The following ABCA13 variants were observed in gnomAD, a reference collection of about 807,000 sequenced individuals.
The protein encoded by ABCA13 is ATP binding cassette subfamily A member 13.
In ABCA13, 476 loss-of-function variants were observed where a neutral mutation model predicts 478.7. The ratio of observed to expected loss-of-function variants is 0.99; its 90% CI spans 0.92 to 1.07. The LOEUF (loss-of-function observed/expected upper bound fraction) is 1.07, where lower values mean the gene tolerates loss of function less well. Ranked by LOEUF, ABCA13 falls within the 50% of genes least tolerant of loss-of-function variation. The probability of loss-of-function intolerance (pLI) is 0.00; values close to 1 mark genes in which losing one functional copy is unlikely to be tolerated. For synonymous variants in ABCA13, 2,252 were observed against 2,158.9 expected (o/e 1.04, Z -1.20); for missense variants, 6,060 against 5,910.6 (o/e 1.03, Z -0.83).
rs1792475786 is a variant in ABCA13 at position 48,615,441 on chromosome 7, A to G, written c.14837+64A>G. ...GAAATCAATAGCATGATGCAGGGTT[A>G]TGACTGGAGATGCTTTAGAGGCAAG... On this transcript the variant is annotated intron_variant, in intron 59 of 61. Transcript: ENST00000435803. 4.3e-6 allele frequency: 6 copies of G among 1,411,358 alleles called. No homozygotes were observed. In the South Asian group the frequency reaches 6.3e-5, roughly 15 times the overall value. 87.4% of individuals were successfully genotyped at this position (1,411,358 alleles called of 1,614,324 possible).
intron 59 of ABCA13, among the ~76,000 whole-genome samples, chr7:48,624,417 T>C (rs1330152287): frequency 1.3e-5 from 2 of 152,070 alleles, no homozygotes; most frequent in Non-Finnish European, 2.9e-5. Flanking sequence ...AAAACACTCC[T>C]GTCATGGAAA....
intron 4 of ABCA13, among the ~76,000 whole-genome samples, 191 bp from the exon 5 acceptor site, chr7:48,221,090 G>A (rs1001579600): frequency 3.3e-5 from 5 of 151,984 alleles, no homozygotes; most frequent in Non-Finnish European, 7.4e-5. Context: ...ACTTAGATTT[G>A]GAAATCTATG....
intron 3 of ABCA13, among the ~76,000 whole-genome samples, chr7:48,201,161 C>A (rs528300508): frequency 6.6e-6 from 1 of 152,180 alleles, no homozygotes; most frequent in African/African-American, 2.4e-5. Flanking sequence ...AAGGAGAACT[C>A]CTGAGTCATT....
intron 3 of ABCA13, among the ~76,000 whole-genome samples, chr7:48,212,084 C>G (rs755140367): frequency 2.4e-4 from 36 of 152,166 alleles, no homozygotes; most frequent in Non-Finnish European, 4.0e-4. Flanking sequence ...ACCACTTTAT[C>G]AGCCTGTAGT....
At chr7:48,503,594 A>T (rs943114430) in intron 48 of ABCA13, among the ~76,000 whole-genome samples, 5 of 152,052 alleles carry the variant, frequency 3.3e-5, no homozygotes, top group Admixed American at 1.3e-4. Context: ...ATGTTCATTC[A>T]TGTTGTCTCC....
chr7:48,588,383 C>A (rs1250445002), intron 57 of ABCA13, among the ~76,000 whole-genome samples: 1 of 152,192 alleles, frequency 6.6e-6, no homozygotes, highest in East Asian at 1.9e-4. Flanking sequence ...TGGAATTTCC[C>A]TTTGCCCAGC....
Position 48,314,285 on chromosome 7 carries a change from G to A in ABCA13, c.9735G>A (p.Val3245=), listed in dbSNP as rs762577051. ...CAGCTTTTGGTTCTTTCCAGTTTGT[G>A]ATGAAGATGGTTTGCAAGGACCAAG... The part of the protein sequence containing the change: ...RSSAFGSFQF[V]MKMVCKDQAS... The change falls in exon 26 of 62, where the codon GTG becomes GTA. Residue 3245 remains valine (V), a synonymous_variant. Transcript: ENST00000435803. 3 of 1,613,672 alleles carry A rather than the reference G, an allele frequency of 1.9e-6. No individual in the cohort carries two copies. The highest frequency in any genetic ancestry group is 2.5e-6 in the Non-Finnish European group (3 of 1,179,820).
chr7:48,315,900 C>G (rs1053799847), intron 26 of ABCA13, among the ~76,000 whole-genome samples: 3 of 152,140 alleles, frequency 2.0e-5, no homozygotes, highest in African/African-American at 7.2e-5. Context: ...AAAACAACCA[C>G]AACAATCATA....
chr7:48,538,162 G>A (rs1833722185), intron 55 of ABCA13, among the ~76,000 whole-genome samples: 1 of 141,080 alleles, frequency 7.1e-6, no homozygotes, highest in African/African-American at 2.7e-5. Context: ...GTGCAGTGGT[G>A]CGATCTCAGC....
chr7:48,525,113 G>GAGGGC (rs1218591363), intron 54 of ABCA13, among the ~76,000 whole-genome samples: 1 of 152,112 alleles, frequency 6.6e-6, no homozygotes, highest in Non-Finnish European at 1.5e-5. Flanking sequence ...TTCTACTTGT[G>GAGGGC]ATCTGACAGT....
intron 55 of ABCA13, among the ~76,000 whole-genome samples, chr7:48,575,521 G>A (rs1486921635): frequency 1.3e-5 from 2 of 152,096 alleles, no homozygotes; most frequent in African/African-American, 4.8e-5. Context: ...TAAAAGTGCG[G>A]AATATTAAAT....
chr7:48,604,198 T>A (rs1791219064), intron 58 of ABCA13, among the ~76,000 whole-genome samples: 2 of 152,160 alleles, frequency 1.3e-5, no homozygotes, highest in Non-Finnish European at 2.9e-5. Context: ...GATTCATTGA[T>A]TTTTTGAAGG....
At chr7:48,192,820 G>A (rs1797278179) in intron 1 of ABCA13, 139 bp from the exon 2 acceptor site, 2 of 644,084 alleles carry the variant, frequency 3.1e-6, no homozygotes, top group Non-Finnish European at 2.6e-6. Context: ...AATGAACTAG[G>A]CCTTGTCTGT....
chr7:48,517,102 G>A (rs760784758), intron 52 of ABCA13, among the ~76,000 whole-genome samples: 2 of 152,186 alleles, frequency 1.3e-5, no homozygotes, highest in Non-Finnish European at 2.9e-5. Context: ...ACGAAAAAAT[G>A]TTCTGTTTCG....
chr7:48,297,384 A>G (rs1799527539), intron 22 of ABCA13, 73 bp downstream of exon 22: 2 of 1,371,826 alleles, frequency 1.5e-6, no homozygotes, highest in Non-Finnish European at 2.0e-6. Context: ...TATTATTAAA[A>G]TAAAACATAC....
intron 19 of ABCA13, among the ~76,000 whole-genome samples, chr7:48,284,544 A>G (rs1797468859): frequency 1.3e-5 from 2 of 152,198 alleles, no homozygotes; most frequent in South Asian, 4.1e-4. Flanking sequence ...TCCATATTGA[A>G]TTCAGCCACG....
intron 32 of ABCA13, among the ~76,000 whole-genome samples, chr7:48,369,724 G>A (rs1287703156): frequency 6.6e-6 from 1 of 152,034 alleles, no homozygotes; most frequent in Non-Finnish European, 1.5e-5. Flanking sequence ...TTATTTCTGG[G>A]TTCTTTATTC....
chr7:48,417,190 T>C (rs181916414), intron 41 of ABCA13, among the ~76,000 whole-genome samples: 40 of 152,316 alleles, frequency 2.6e-4, no homozygotes, highest in Middle Eastern at 3.4e-3. Flanking sequence ...AGAAATGCAA[T>C]TACTGGGTCC....
intron 31 of ABCA13, among the ~76,000 whole-genome samples, chr7:48,362,576 G>T (rs1271543053): frequency 1.3e-5 from 2 of 150,894 alleles, no homozygotes; most frequent in African/African-American, 4.9e-5. Context: ...AGTATAAAAT[G>T]CAATTATAAA....
Sources: allele counts gnomAD v4.1 joint callset (sites outside exome capture counted in the v4.1 genomes callset), GRCh38; gene constraint gnomAD v4.1.1; transcripts MANE v1.5; gene names NCBI Gene and HGNC (gene_info 2026-07-23, HGNC 2026-07-21).